Variants in CPXM2 observed in about 807,000 individuals in gnomAD.
The protein encoded by CPXM2 is carboxypeptidase X, M14 family member 2.
Under a neutral mutation model 86.1 loss-of-function variants are expected in CPXM2, and 66 were observed. That is an observed-to-expected ratio of 0.77 (90% CI 0.63 to 0.94). CPXM2 has a LOEUF of 0.94. Ranked by LOEUF, CPXM2 falls within the 40% of genes least tolerant of loss-of-function variation. The pLI is 0.00. For synonymous variants in CPXM2, 388 were observed against 400.2 expected, an observed-to-expected ratio of 0.97 and a Z score of 0.36; for missense variants, 948 against 1,026.3, an observed-to-expected ratio of 0.92 and a Z score of 1.04.
In CPXM2 at chr10:123,870,861, A is replaced by G. The variant is rs866680103; in HGVS notation, c.404-8138T>C. Reference sequence around the variant, plus strand: ...GATCAATAGGCTAGCAAAGGAACCCACCACTGGTCGGAAGTTCCCAGGTGA... The same window carrying G: ...GATCAATAGGCTAGCAAAGGAACCCGCCACTGGTCGGAAGTTCCCAGGTGA... On this transcript the variant is annotated intron_variant, in intron 2 of 13. Coordinates refer to ENST00000241305, the MANE Select transcript of CPXM2 (RefSeq NM_198148.3). Among the ~76,000 whole-genome samples the G allele has an allele frequency of 3.9e-5, 6 of 152,292 alleles. No homozygotes were observed. The Middle Eastern group carries it at 0.014, about 345-fold the overall frequency.
chr10:123,943,688 AGCC>A (rs1324742353), upstream of CPXM2, among the ~76,000 whole-genome samples: 14 of 152,200 alleles, frequency 9.2e-5, no homozygotes, highest in Non-Finnish European at 2.1e-4. Context: ...AACTGGCTGG[AGCC>A]TGTTGCTGAG....
chr10:123,840,346 G>A (rs1848361976), intron 4 of CPXM2, among the ~76,000 whole-genome samples: 1 of 152,126 alleles, frequency 6.6e-6, no homozygotes, highest in South Asian at 2.1e-4. Context: ...GAAAAGCAAG[G>A]CAAATAAAAT....
chr10:123,835,265 A>G (rs1848255121), intron 4 of CPXM2, among the ~76,000 whole-genome samples: 1 of 152,122 alleles, frequency 6.6e-6, no homozygotes, highest in African/African-American at 2.4e-5. Context: ...CACCTGGGGA[A>G]CAAGGACCCT....
At chr10:123,778,302 A>G (rs995983664) in intron 7 of CPXM2, among the ~76,000 whole-genome samples, 14 of 152,344 alleles carry the variant, frequency 9.2e-5, no homozygotes, top group African/African-American at 3.1e-4. Flanking sequence ...AGCAGACTCC[A>G]TATGGGGAAG....
intron 2 of CPXM2, among the ~76,000 whole-genome samples, chr10:123,875,025 G>C (rs752625959): frequency 2.0e-5 from 3 of 152,184 alleles, no homozygotes; most frequent in Non-Finnish European, 4.4e-5. Flanking sequence ...TATAGCTGCA[G>C]ACTGGCCACA....
At chr10:123,826,599 T>C (rs1848051541) in intron 4 of CPXM2, among the ~76,000 whole-genome samples, 1 of 152,048 alleles carries the variant, frequency 6.6e-6, no homozygotes, top group South Asian at 2.1e-4. Context: ...AAATACTGTA[T>C]TGAGCATTAT....
intron 6 of CPXM2, among the ~76,000 whole-genome samples, chr10:123,794,797 G>A (rs1847293673): frequency 6.6e-6 from 1 of 151,486 alleles, no homozygotes; most frequent in Non-Finnish European, 1.5e-5. Flanking sequence ...TTGAGACAGG[G>A]TCTCACTCTG....
chr10:123,918,803 A>G (rs540089867), intron 2 of CPXM2, among the ~76,000 whole-genome samples: 1 of 152,296 alleles, frequency 6.6e-6, no homozygotes, highest in Admixed American at 6.5e-5. Context: ...CTCTGACTAG[A>G]GGAAGCTGGA....
chr10:123,751,194 C>T (rs576457184), intron 13 of CPXM2: 1 of 269,234 alleles, frequency 3.7e-6, no homozygotes, highest in East Asian at 1.8e-4. Context: ...GAGAGTGCAG[C>T]ACCCATAAGC....
chr10:123,752,272 C>T (rs867810708), intron 13 of CPXM2: 1 of 985,308 alleles, frequency 1.0e-6, no homozygotes, highest in African/African-American at 1.7e-5. Context: ...AAAATGAACA[C>T]CTATGAGGGG....
At chr10:123,796,031 G>A (rs1564773360) in intron 6 of CPXM2, among the ~76,000 whole-genome samples, 2 of 152,116 alleles carry the variant, frequency 1.3e-5, no homozygotes, top group African/African-American at 4.8e-5. Context: ...CATCAAGAGG[G>A]CCAGAGCCCA....
At chr10:123,825,395 C>A (rs1219706) in intron 4 of CPXM2, among the ~76,000 whole-genome samples, 96,881 of 151,886 alleles carry the variant, frequency 0.64, 33,466 homozygotes, top group Non-Finnish European at 0.77. Flanking sequence ...ATGCAGCAGG[C>A]CGTGGAGGAA....
chr10:123,893,326 G>T (rs2134253574), upstream of CPXM2, among the ~76,000 whole-genome samples: 1 of 152,312 alleles, frequency 6.6e-6, no homozygotes, highest in African/African-American at 2.4e-5. Flanking sequence ...CCTGGAGTGA[G>T]GACTTCCCTA....
chr10:123,817,404 T>C (rs1401383078), intron 4 of CPXM2, among the ~76,000 whole-genome samples: 1 of 152,154 alleles, frequency 6.6e-6, no homozygotes, highest in Non-Finnish European at 1.5e-5. Flanking sequence ...GGCCCTGCCA[T>C]CTTCTGCAAA....
At chr10:123,784,910 A>G (rs1847016005) in intron 6 of CPXM2, among the ~76,000 whole-genome samples, 1 of 152,262 alleles carries the variant, frequency 6.6e-6, no homozygotes, top group South Asian at 2.1e-4. Flanking sequence ...GAACTAAATC[A>G]AATGGAAACA....
chr10:123,771,440 T>TA (rs1846628387), intron 7 of CPXM2, among the ~76,000 whole-genome samples: 1 of 152,020 alleles, frequency 6.6e-6, no homozygotes, highest in Admixed American at 6.6e-5. Context: ...TTAGTGTCCT[T>TA]ACGAAAGAGG....
At chr10:123,919,004 T>C (rs1945559283) in intron 2 of CPXM2, among the ~76,000 whole-genome samples, 1 of 151,748 alleles carries the variant, frequency 6.6e-6, no homozygotes, top group Admixed American at 6.6e-5. Context: ...TGGAAGAAAT[T>C]TGGAAGAGGA....
rs899916200 is a variant in CPXM2 at position 123,746,683 on chromosome 10, G to A, written c.*81C>T. Reference sequence around the variant, plus strand: ...TTCTTGAATTACAGAGGAAACAACAGTGAGTGAGTCCACTATGGAGCTACT... The same window carrying A: ...TTCTTGAATTACAGAGGAAACAACAATGAGTGAGTCCACTATGGAGCTACT... On this transcript the variant is annotated 3_prime_UTR_variant, in exon 14 of 14. Coordinates refer to ENST00000241305, the MANE Select transcript of CPXM2 (RefSeq NM_198148.3). 11 of 1,327,168 alleles carry A rather than the reference G, an allele frequency of 8.3e-6. No individual in the cohort carries two copies. Among genetic ancestry groups the A allele is most frequent in the Non-Finnish European group, 9.5e-6 (9 of 945,624 alleles). 82.2% of individuals were successfully genotyped at this position (1,327,168 alleles called of 1,614,324 possible).
intron 1 of CPXM2, 130 bp from the exon 2 acceptor site, chr10:123,880,439 T>C (rs1356985944): frequency 3.9e-5 from 24 of 617,940 alleles, no homozygotes; most frequent in Non-Finnish European, 2.9e-6. Flanking sequence ...AAAGATGGGG[T>C]CTTGGACTTT....
Sources: allele counts gnomAD v4.1 joint callset (sites outside exome capture counted in the v4.1 genomes callset), GRCh38; gene constraint gnomAD v4.1.1; transcripts MANE v1.5; gene names NCBI Gene and HGNC (gene_info 2026-07-23, HGNC 2026-07-21).